The following HFM1 variants were observed in gnomAD, a reference collection of about 807,000 sequenced individuals.
The protein encoded by HFM1 is helicase for meiosis 1.
HFM1 carries 169 observed loss-of-function variants against 192.1 expected under a neutral mutation model. The ratio of observed to expected loss-of-function variants is 0.88; its 90% CI spans 0.78 to 1.00. HFM1 has a LOEUF of 1.00. Among genes scored for constraint, HFM1 ranks in the 50% least tolerant of loss-of-function variants. The probability of loss-of-function intolerance (pLI) is 0.00; values close to 1 mark genes in which losing one functional copy is unlikely to be tolerated. For synonymous variants in HFM1, 525 were observed against 537.8 expected (o/e 0.98, Z 0.33); for missense variants, 1,661 against 1,668.0 (o/e 1.00, Z 0.07).
chr1:91,298,553 C>T (rs148410505), intron 30 of HFM1, among the ~76,000 whole-genome samples: 1 of 152,136 alleles, frequency 6.6e-6, no homozygotes, highest in Non-Finnish European at 1.5e-5. Flanking sequence ...TTGGGTTACC[C>T]ACAAAGGGAA....
At chr1:91,298,251 A>G (rs938868164) in intron 30 of HFM1, among the ~76,000 whole-genome samples, 2 of 152,222 alleles carry the variant, frequency 1.3e-5, no homozygotes, top group African/African-American at 4.8e-5. Context: ...AAGAATAAAA[A>G]GAAACAAACA....
At chr1:91,333,673 T>C (rs956153746) in intron 20 of HFM1, among the ~76,000 whole-genome samples, 4 of 152,214 alleles carry the variant, frequency 2.6e-5, no homozygotes, top group African/African-American at 9.6e-5. Context: ...GGATTTTCCA[T>C]GATATCATTA....
intron 20 of HFM1, among the ~76,000 whole-genome samples, chr1:91,340,812 C>T (rs1655228721): frequency 6.6e-6 from 1 of 152,120 alleles, no homozygotes; most frequent in Admixed American, 6.6e-5. Flanking sequence ...TCAGACAAGA[C>T]AGACTTTACA....
chr1:91,289,474 G>C (rs1447848403), intron 30 of HFM1, among the ~76,000 whole-genome samples: 1 of 152,190 alleles, frequency 6.6e-6, no homozygotes, highest in Non-Finnish European at 1.5e-5. Flanking sequence ...CCTGGGCAGA[G>C]GCTGCAATCT....
At chr1:91,405,501 C>T (rs1048422454), upstream of HFM1, among the ~76,000 whole-genome samples, 3 of 152,188 alleles carry the variant, frequency 2.0e-5, no homozygotes, top group Non-Finnish European at 2.9e-5. Flanking sequence ...GAAACCCCCA[C>T]CTGTGACATC....
chr1:91,385,985 G>T (rs769662972), intron 4 of HFM1, 151 bp from the exon 5 acceptor site: 3 of 632,574 alleles, frequency 4.7e-6, no homozygotes. Flanking sequence ...AATATAACTT[G>T]CTAGTTTACC....
chr1:91,310,403 T>C (rs1422561266), intron 30 of HFM1, among the ~76,000 whole-genome samples: 1 of 152,192 alleles, frequency 6.6e-6, no homozygotes, highest in Non-Finnish European at 1.5e-5. Context: ...CTTTTGTATA[T>C]GTTTGAAAAA....
intron 13 of HFM1, among the ~76,000 whole-genome samples, chr1:91,365,968 GAAAA>G (rs11329587): frequency 1.6e-5 from 2 of 124,918 alleles, no homozygotes; most frequent in African/African-American, 6.1e-5. Flanking sequence ...GTATGTTCCT[GAAAA>G]AAAAAAAAAA....
At chr1:91,353,670 A>C (rs1443470166) in intron 13 of HFM1, among the ~76,000 whole-genome samples, 1 of 150,790 alleles carries the variant, frequency 6.6e-6, no homozygotes, top group Non-Finnish European at 1.5e-5. Flanking sequence ...AAAAAAAAAA[A>C]AACATGGAAA....
chr1:91,263,234 GC>G (rs564241331), intron 36 of HFM1, among the ~76,000 whole-genome samples: 394 of 152,234 alleles, frequency 2.6e-3, no homozygotes, highest in Admixed American at 6.0e-3. Flanking sequence ...GGAGCCATAA[GC>G]CCATTTTTAA....
chr1:91,364,922 C>T lies in HFM1; in HGVS notation c.1685+10436G>A, dbSNP rs919142043. ...TGCTGGGACTACAGGCGTGAGCCAC[C>T]GCGCCTGGTGTGTATATATATATAA... On this transcript the variant is annotated intron_variant, in intron 13 of 38. Coordinates refer to ENST00000370425, the MANE Select transcript of HFM1 (RefSeq NM_001017975.6). Among the ~76,000 whole-genome samples, 7 of 151,782 alleles carry T rather than the reference C, an allele frequency of 4.6e-5. No homozygotes were observed. In the East Asian group the frequency reaches 7.8e-4, roughly 17 times the overall value.
intron 21 of HFM1, among the ~76,000 whole-genome samples, chr1:91,324,377 C>T (rs1290182405): frequency 6.6e-6 from 1 of 152,192 alleles, no homozygotes; most frequent in Non-Finnish European, 1.5e-5. Context: ...CATTGTGTAG[C>T]CACTACCAAG....
intron 2 of HFM1, among the ~76,000 whole-genome samples, chr1:91,397,621 C>T (rs1663817764): frequency 6.6e-6 from 1 of 152,330 alleles, no homozygotes; most frequent in Non-Finnish European, 1.5e-5. Flanking sequence ...TATCTGGCAA[C>T]GTCTAACAGA....
chr1:91,271,921 T>C (rs1000936119), intron 34 of HFM1, among the ~76,000 whole-genome samples: 10 of 152,148 alleles, frequency 6.6e-5, no homozygotes, highest in Non-Finnish European at 1.2e-4. Flanking sequence ...TCTCTTGGAG[T>C]CTTGGCTTCT....
At chr1:91,339,802 G>C (rs1405196330) in intron 20 of HFM1, among the ~76,000 whole-genome samples, 6 of 151,920 alleles carry the variant, frequency 3.9e-5, no homozygotes, top group African/African-American at 1.5e-4. Context: ...AATTCAGAGA[G>C]CCCCAGTGAG....
Position 91,380,196 on chromosome 1 carries a change from G to A in HFM1, c.914C>T (p.Thr305Ile). Reference sequence around the variant, plus strand: ...AAACACTACAGTTTTTCCAGAACCAGTTGGAGCACAAATCACAAAATTCCT... The same window carrying A: ...AAACACTACAGTTTTTCCAGAACCAATTGGAGCACAAATCACAAAATTCCT... ...TDRNFVICAPTGSGKTVVFEL... is the reference protein window; with the variant it reads ...TDRNFVICAPIGSGKTVVFEL... Residue 305 changes from threonine (T) to isoleucine (I), a missense_variant, in exon 8 of 39, where the codon ACT becomes ATT. Physicochemically the swap from Thr to Ile is moderately conservative, Grantham distance 89. Coordinates refer to ENST00000370425, the MANE Select transcript of HFM1 (RefSeq NM_001017975.6). 1 of 1,578,960 alleles carries A rather than the reference G, an allele frequency of 6.3e-7. No individual in the cohort carries two copies. Among genetic ancestry groups the A allele is most frequent in the Non-Finnish European group, 8.6e-7 (1 of 1,157,576 alleles).
Position 91,343,470 on chromosome 1 carries a change from G to T in HFM1, c.2295C>A (p.Asp765Glu). Reference protein sequence around the residue: ...LKNLNDLSSLDLIKMDEGVNF... With the variant: ...LKNLNDLSSLELIKMDEGVNF... ...TAACACCTTCATCCATCTTTATTAAGTCCAGGGATGATAAATCATTCAGAT... is the reference window on the plus strand; with the variant it reads ...TAACACCTTCATCCATCTTTATTAATTCCAGGGATGATAAATCATTCAGAT... Residue 765 changes from aspartate to glutamate, a missense_variant, in exon 20 of 39, where the codon GAC becomes GAA. Asp to Glu is a conservative substitution (Grantham distance 45, BLOSUM62 2). Transcript: ENST00000370425. 6.9e-7 allele frequency: 1 copy of T among 1,441,684 alleles called. No homozygotes were observed. The highest frequency in any genetic ancestry group is 9.5e-7 in the Non-Finnish European group (1 of 1,050,852). 89.3% of individuals were successfully genotyped at this position (1,441,684 alleles called of 1,614,324 possible).
At chr1:91,379,293 A>G in intron 8 of HFM1, 79 bp from the exon 9 acceptor site, 1 of 1,160,802 alleles carries the variant, frequency 8.6e-7, no homozygotes. Context: ...TAATAAAGTT[A>G]GCATAAAAAA....
intron 20 of HFM1, among the ~76,000 whole-genome samples, chr1:91,334,416 TAGAG>T (rs1028968407): frequency 1.5e-4 from 23 of 152,310 alleles, no homozygotes; most frequent in African/African-American, 4.6e-4. Context: ...TGACAAATGA[TAGAG>T]AGGCCCTGAA....
Sources: gnomAD v4.1 joint callset for allele counts (sites outside exome capture counted in the v4.1 genomes callset) on GRCh38, gnomAD v4.1.1 for gene constraint, MANE v1.5 for transcripts, NCBI Gene and HGNC (gene_info 2026-07-23, HGNC 2026-07-21) for gene names.